DYNC2I2: variants seen among roughly 807,000 people sequenced by gnomAD.
DYNC2I2 encodes the protein dynein 2 intermediate chain 2.
A neutral mutation model predicts 52.0 loss-of-function variants in DYNC2I2; 39 were observed. The ratio of observed to expected loss-of-function variants is 0.75; its 90% confidence interval spans 0.58 to 0.98. The LOEUF (loss-of-function observed/expected upper bound fraction) is 0.98, where lower values mean the gene tolerates loss of function less well. Ranked by LOEUF, DYNC2I2 falls within the 50% of genes least tolerant of loss-of-function variation. The pLI, the probability that DYNC2I2 is intolerant of heterozygous loss-of-function variation, is 0.00. For synonymous variants in DYNC2I2, 359 were observed against 321.1 expected, an observed-to-expected ratio of 1.12 and a Z score of -1.26; for missense variants, 743 against 728.4, an observed-to-expected ratio of 1.02 and a Z score of -0.23.
chr9:128,639,213 A>C (rs1860466025), intron 2 of DYNC2I2, among the ~76,000 whole-genome samples: 1 of 152,084 alleles, frequency 6.6e-6, no homozygotes, highest in Non-Finnish European at 1.5e-5. Context: ...CAACCTGACC[A>C]ACATGGTGAA....
Position 128,634,311 on chromosome 9 carries a change from A to C in DYNC2I2, c.1287T>G (p.Thr429=). 6.2e-7 allele frequency: 1 copy of C among 1,613,572 alleles called. No homozygotes were observed. The highest frequency in any genetic ancestry group is 1.1e-5 in the South Asian group (1 of 91,060). ...LYSMLQAPPL[T]SLQLSLKYLF... is the part of the protein sequence containing the mutation. ...GATACTTGAGGGAGAGCTGCAGCGA[A>C]GTCAAGGGAGGGGCCTGCAGCATGG... Residue 429 remains threonine, a synonymous_variant, in exon 8 of 9, where the codon ACT becomes ACG. Transcript: ENST00000372715.
intron 1 of DYNC2I2, among the ~76,000 whole-genome samples, chr9:128,645,658 T>TATCC: frequency 7.4e-6 from 1 of 135,866 alleles, no homozygotes; most frequent in African/African-American, 2.8e-5. Context: ...AGCCAATTAA[T>TATCC]ATCCCTACAG....
At chr9:128,634,414 A>T in intron 7 of DYNC2I2, 31 bp from the exon 8 acceptor site, 2 of 1,554,514 alleles carry the variant, frequency 1.3e-6, no homozygotes, top group South Asian at 2.5e-5. Flanking sequence ...CAGGCAAGGG[A>T]ATCAGTGCTG....
chr9:128,665,330 C>T, the DYNC2I2 span, among the ~76,000 whole-genome samples: 9 of 152,048 alleles, frequency 5.9e-5, no homozygotes, highest in African/African-American at 9.7e-5. Flanking sequence ...GGAATACAGG[C>T]GTGAGCCACC....
chr9:128,661,320 AAAAC>A (rs1860914989), upstream of DYNC2I2, among the ~76,000 whole-genome samples: 1 of 150,746 alleles, frequency 6.6e-6, no homozygotes, highest in Non-Finnish European at 1.5e-5. Flanking sequence ...AAAAAAAAAA[AAAAC>A]AAAAAGAAAA....
chr9:128,674,737 C>T, the DYNC2I2 span, among the ~76,000 whole-genome samples: 240 of 152,046 alleles, frequency 1.6e-3, 2 homozygotes, highest in Non-Finnish European at 3.0e-3. Flanking sequence ...ATCGAGACTC[C>T]GTCTCAAAAA....
At chr9:128,671,302 CT>C in the DYNC2I2 span, among the ~76,000 whole-genome samples, 1,607 of 135,290 alleles carry the variant, frequency 0.012, 26 homozygotes, top group African/African-American at 0.037. Context: ...CCCTGTCTCT[CT>C]TTTTTTTTTT....
Position 128,634,358 on chromosome 9 carries a change from C to G in DYNC2I2, c.1240G>C (p.Asp414His), listed in dbSNP as rs1424148152. 3.1e-6 allele frequency: 5 copies of G among 1,602,756 alleles called. No homozygotes were observed. The highest frequency in any genetic ancestry group is 4.3e-6 in the Non-Finnish European group (5 of 1,175,464). ...HRNLFLSAGT[D>H]GHVHLYSMLQ... ...ATGGAGTACAGGTGGACATGCCCGT[C>G]AGTCCCAGCGCTCAGGAAGAGATTC... is the stretch of plus-strand genomic sequence containing the variant. Residue 414 changes from aspartate to histidine, a missense_variant, in exon 8 of 9, where the codon GAC becomes CAC. Coordinates refer to ENST00000372715, the MANE Select transcript of DYNC2I2 (RefSeq NM_052844.4).
At chr9:128,636,519 C>G in intron 3 of DYNC2I2, 81 bp from the exon 4 acceptor site, 1 of 1,468,748 alleles carries the variant, frequency 6.8e-7, no homozygotes, top group Non-Finnish European at 9.2e-7. Context: ...CCACTAGCCC[C>G]GGACACACTC....
chr9:128,680,729 C>T, the DYNC2I2 span, among the ~76,000 whole-genome samples: 2 of 151,818 alleles, frequency 1.3e-5, no homozygotes, highest in Non-Finnish European at 1.5e-5. Context: ...GTCTGGAGTG[C>T]GGTGGCGTGA....
chr9:128,681,419 C>T, the DYNC2I2 span, among the ~76,000 whole-genome samples: 1 of 152,218 alleles, frequency 6.6e-6, no homozygotes, highest in African/African-American at 2.4e-5. Context: ...TGTAACTTTC[C>T]TTTCCTTGAA....
At chr9:128,648,460 G>A (rs1589435117) in intron 1 of DYNC2I2, among the ~76,000 whole-genome samples, 1 of 151,630 alleles carries the variant, frequency 6.6e-6, no homozygotes, top group African/African-American at 2.4e-5. Flanking sequence ...TCCTGGGCCG[G>A]GCCCGACCAA....
chr9:128,658,166 CTTTTT>C (rs879729021), upstream of DYNC2I2, among the ~76,000 whole-genome samples: 1 of 139,124 alleles, frequency 7.2e-6, no homozygotes, highest in Admixed American at 7.3e-5. Flanking sequence ...ATAGATGCTA[CTTTTT>C]TTTTTTTTTT....
In DYNC2I2 at chr9:128,634,389, C is replaced by A; in HGVS notation, c.1215-6G>T. On this transcript the variant is annotated splice_region_variant and splice_polypyrimidine_tract_variant and intron_variant, in intron 7 of 8. Coordinates refer to ENST00000372715, the MANE Select transcript of DYNC2I2 (RefSeq NM_052844.4). The stretch of plus-strand genomic sequence containing the variant: ...CAGCGCTCAGGAAGAGATTCCTAGA[C>A]GGGATGCAGGGGGCCAGGCAAGGGA... The A allele has an allele frequency of 6.4e-7, 1 of 1,572,626 alleles. No homozygotes were observed. The highest frequency in any genetic ancestry group is 1.2e-5 in the South Asian group (1 of 83,958).
chr9:128,654,986 G>A (rs1366964209), intron 1 of DYNC2I2, among the ~76,000 whole-genome samples: 3 of 151,962 alleles, frequency 2.0e-5, no homozygotes, highest in Non-Finnish European at 2.9e-5. Flanking sequence ...ATGTAAGCTC[G>A]AGGAGGGAGA....
chr9:128,682,507 T>G, the DYNC2I2 span, among the ~76,000 whole-genome samples: 2 of 151,964 alleles, frequency 1.3e-5, no homozygotes, highest in East Asian at 3.9e-4. Context: ...CCAAACCCTG[T>G]GCCTACTAAA....
intron 1 of DYNC2I2, 132 bp from the exon 2 acceptor site, chr9:128,641,071 G>A: frequency 5.0e-6 from 7 of 1,395,564 alleles, no homozygotes; most frequent in Non-Finnish European, 6.6e-6. Context: ...CTCTCTCAGT[G>A]AGGTCTTGGT....
the DYNC2I2 span, among the ~76,000 whole-genome samples, chr9:128,682,545 G>A: frequency 6.6e-6 from 1 of 151,954 alleles, no homozygotes; most frequent in African/African-American, 2.4e-5. Context: ...AGGCATGGTG[G>A]TGACGTCTGT....
At chr9:128,671,239 C>T in the DYNC2I2 span, among the ~76,000 whole-genome samples, 10 of 150,486 alleles carry the variant, frequency 6.6e-5, no homozygotes, top group East Asian at 1.8e-3. Flanking sequence ...TTCAAGACTA[C>T]AGGGAGCTGT....
Sources: allele counts gnomAD v4.1 joint callset (sites outside exome capture counted in the v4.1 genomes callset), GRCh38; gene constraint gnomAD v4.1.1; transcripts MANE v1.5; gene names NCBI Gene and HGNC (gene_info 2026-07-23, HGNC 2026-07-21).